GPC6: variants seen among roughly 807,000 people sequenced by gnomAD.
The protein encoded by GPC6 is glypican 6.
GPC6 carries 14 observed loss-of-function variants against 55.2 expected under a neutral mutation model. The observed-to-expected ratio is 0.25, with a 90% CI of 0.17 to 0.40. The LOEUF (loss-of-function observed/expected upper bound fraction) is 0.40. GPC6 is among the 10% of genes least tolerant of loss of function. The probability of loss-of-function intolerance (pLI) is 1.00; values close to 1 mark genes in which losing one functional copy is unlikely to be tolerated. For synonymous variants in GPC6, 278 were observed against 259.6 expected, an observed-to-expected ratio of 1.07 and a Z score of -0.68; for missense variants, 641 against 708.5, an observed-to-expected ratio of 0.90 and a Z score of 1.08.
intron 4 of GPC6, among the ~76,000 whole-genome samples, chr13:94,096,492 T>A (rs1885663486): frequency 6.6e-6 from 1 of 152,192 alleles, no homozygotes; most frequent in Non-Finnish European, 1.5e-5. Context: ...GTCTTTCTCA[T>A]CCATTATCAC....
chr13:93,428,286 G>A (rs573826033), intron 1 of GPC6, among the ~76,000 whole-genome samples: 1 of 152,212 alleles, frequency 6.6e-6, no homozygotes, highest in African/African-American at 2.4e-5. Context: ...TAACATTATG[G>A]AGAAAAGATG....
chr13:93,650,869 A>T (rs1259770440), intron 2 of GPC6, among the ~76,000 whole-genome samples: 8 of 150,588 alleles, frequency 5.3e-5, no homozygotes, highest in Non-Finnish European at 1.2e-4. Context: ...TCAAAATCAC[A>T]TTTTTTTTTT....
intron 1 of GPC6, among the ~76,000 whole-genome samples, chr13:93,345,694 G>A (rs1429454868): frequency 6.6e-6 from 1 of 152,140 alleles, no homozygotes; most frequent in Non-Finnish European, 1.5e-5. Context: ...GGGCCATTTT[G>A]TTGGTAAAAT....
At chr13:94,223,643 C>T (rs1435906110) in intron 4 of GPC6, among the ~76,000 whole-genome samples, 2 of 152,126 alleles carry the variant, frequency 1.3e-5, no homozygotes, top group East Asian at 1.9e-4. Flanking sequence ...ACCTCACACA[C>T]ATTATCATAT....
At chr13:93,581,510 C>G (rs1876934908) in intron 2 of GPC6, among the ~76,000 whole-genome samples, 1 of 152,084 alleles carries the variant, frequency 6.6e-6, no homozygotes, top group South Asian at 2.1e-4. Flanking sequence ...GAGTTTGAGA[C>G]CAGCTTGAGA....
chr13:94,306,014 CA>C lies in GPC6; in HGVS notation c.1044del (p.Ala349ProfsTer40). 6.2e-7 allele frequency: 1 copy of C among 1,614,126 alleles called. No individual in the cohort carries two copies. Among genetic ancestry groups the C allele is most frequent in the Non-Finnish European group, 8.5e-7 (1 of 1,179,988 alleles). ...FQGCGQPKPA[P>X]ALRSARSAPE... ...GGATGTGGTCAGCCCAAACCTGCTCCAGCCCTCAGATCTGCCCGCTCAGCTC... is the reference window on the plus strand; with the variant it reads ...GGATGTGGTCAGCCCAAACCTGCTCCGCCCTCAGATCTGCCCGCTCAGCTC... On this transcript the variant is annotated frameshift_variant, in exon 6 of 9. Transcript: ENST00000377047. LOFTEE classifies it high-confidence loss of function.
At chr13:94,153,258 T>C (rs1310730758) in intron 4 of GPC6, among the ~76,000 whole-genome samples, 1 of 152,132 alleles carries the variant, frequency 6.6e-6, no homozygotes, top group Non-Finnish European at 1.5e-5. Flanking sequence ...TCACCAGTTC[T>C]CTTCTCACTT....
In GPC6 at chr13:94,318,631, G is replaced by A. The variant is rs553060730; in HGVS notation, c.1152+12508G>A. ...ACAGTGTAAAACTTGTGAATGGTTT[G>A]TTTCTAGAATTGTCCATTTAATATT... On this transcript the variant is annotated intron_variant, in intron 6 of 8. Transcript: ENST00000377047. Among the ~76,000 whole-genome samples the A allele has an allele frequency of 4.2e-4, 64 of 152,248 alleles. No homozygotes were observed. The South Asian group carries it at 6.0e-3, about 14-fold the overall frequency.
intron 3 of GPC6, among the ~76,000 whole-genome samples, chr13:93,981,042 C>T (rs963231437): frequency 6.6e-6 from 1 of 152,124 alleles, no homozygotes; most frequent in Non-Finnish European, 1.5e-5. Context: ...TGTCCTCTGG[C>T]TTGATTCAAA....
chr13:93,621,613 AT>A (rs1476780744), intron 2 of GPC6, among the ~76,000 whole-genome samples: 59 of 152,164 alleles, frequency 3.9e-4, no homozygotes, highest in Non-Finnish European at 7.3e-4. Context: ...GGAAAAAACA[AT>A]ATAAGCATGT....
intron 3 of GPC6, among the ~76,000 whole-genome samples, chr13:93,987,015 T>C (rs1005403135): frequency 6.6e-6 from 1 of 152,144 alleles, no homozygotes; most frequent in African/African-American, 2.4e-5. Flanking sequence ...TATCATTGTG[T>C]CTAGAATGCA....
intron 4 of GPC6, among the ~76,000 whole-genome samples, chr13:94,058,947 A>G (rs1884227064): frequency 6.6e-6 from 1 of 152,126 alleles, no homozygotes; most frequent in South Asian, 2.1e-4. Context: ...GGTATTATCC[A>G]AAGTTTATGT....
At chr13:93,223,478 C>T (rs1875674426), upstream of GPC6, among the ~76,000 whole-genome samples, 1 of 152,136 alleles carries the variant, frequency 6.6e-6, no homozygotes, top group South Asian at 2.1e-4. Flanking sequence ...GAGTCTCACT[C>T]TTTCTCCCAG....
At chr13:94,142,985 C>A (rs1398992476) in intron 4 of GPC6, among the ~76,000 whole-genome samples, 1 of 151,694 alleles carries the variant, frequency 6.6e-6, no homozygotes, top group South Asian at 2.1e-4. Flanking sequence ...CGTGCCACCA[C>A]GCCCAGCTAA....
intron 4 of GPC6, among the ~76,000 whole-genome samples, chr13:94,057,663 T>C (rs575936027): frequency 1.2e-4 from 19 of 152,200 alleles, no homozygotes; most frequent in Non-Finnish European, 2.1e-4. Context: ...TGTACCATCA[T>C]TATACTGTTT....
intron 1 of GPC6, among the ~76,000 whole-genome samples, chr13:93,425,137 T>G (rs1877075295): frequency 6.6e-6 from 1 of 152,200 alleles, no homozygotes; most frequent in African/African-American, 2.4e-5. Context: ...TATTTTAAAA[T>G]GAAAATTAAT....
chr13:93,531,301 G>A (rs961797819), intron 1 of GPC6, among the ~76,000 whole-genome samples: 1 of 151,510 alleles, frequency 6.6e-6, no homozygotes, highest in African/African-American at 2.4e-5. Flanking sequence ...ATATATGATA[G>A]AGGGAGAAAA....
chr13:94,040,879 T>C (rs1359712074), intron 4 of GPC6, among the ~76,000 whole-genome samples: 1 of 151,940 alleles, frequency 6.6e-6, no homozygotes, highest in African/African-American at 2.4e-5. Flanking sequence ...CCTTACTACA[T>C]TTCCTTTGAA....
intron 4 of GPC6, among the ~76,000 whole-genome samples, chr13:94,249,018 C>T (rs1891277566): frequency 6.6e-6 from 1 of 152,064 alleles, no homozygotes; most frequent in African/African-American, 2.4e-5. Flanking sequence ...CTCAGAGAAT[C>T]AGGAGCAGCT....
Sources: allele counts gnomAD v4.1 joint callset (sites outside exome capture counted in the v4.1 genomes callset), GRCh38; gene constraint gnomAD v4.1.1; transcripts MANE v1.5; gene names NCBI Gene and HGNC (gene_info 2026-07-23, HGNC 2026-07-21).